Variants in CD274 observed in about 807,000 individuals in gnomAD.
CD274 encodes CD274 molecule.
In CD274, 8 loss-of-function variants were observed where a neutral mutation model predicts 30.1. The observed-to-expected ratio is 0.27, with a 90% CI of 0.16 to 0.48. The LOEUF (loss-of-function observed/expected upper bound fraction) is 0.48, where lower values mean the gene tolerates loss of function less well. Ranked by LOEUF, CD274 falls within the 20% of genes least tolerant of loss-of-function variation. The pLI is 0.99. For synonymous variants in CD274, 152 were observed against 124.6 expected (o/e 1.22, Z -1.46); for missense variants, 353 against 346.6 (o/e 1.02, Z -0.15).
chr9:5,462,069 A>G (rs1244798232), intron 3 of CD274, among the ~76,000 whole-genome samples: 2 of 152,220 alleles, frequency 1.3e-5, no homozygotes, highest in East Asian at 3.8e-4. Context: ...TAAGGAGTAT[A>G]CAGTAACTCT....
chr9:5,464,815 G>A (rs955916952), intron 4 of CD274, among the ~76,000 whole-genome samples: 4 of 152,272 alleles, frequency 2.6e-5, no homozygotes, highest in Non-Finnish European at 2.9e-5. Flanking sequence ...GGCCAGGAGC[G>A]GAGGCTCATG....
intron 1 of CD274, among the ~76,000 whole-genome samples, chr9:5,453,384 A>G (rs992594035): frequency 2.6e-5 from 4 of 152,252 alleles, no homozygotes; most frequent in Non-Finnish European, 5.9e-5. Flanking sequence ...AGTACCAATT[A>G]TCAACATGTG....
chr9:5,454,414 T>C (rs1432140071), intron 1 of CD274, among the ~76,000 whole-genome samples: 1 of 149,714 alleles, frequency 6.7e-6, no homozygotes, highest in African/African-American at 2.4e-5. Flanking sequence ...ACACACACAC[T>C]TTTTTTTTTC....
At chr9:5,456,555 G>A (rs550891863) in intron 2 of CD274, among the ~76,000 whole-genome samples, 21 of 152,156 alleles carry the variant, frequency 1.4e-4, no homozygotes, top group Non-Finnish European at 2.9e-4. Context: ...ATACTTTAAG[G>A]AAGAATTGTA....
intron 4 of CD274, 122 bp downstream of exon 4, chr9:5,463,243 G>T: frequency 1.3e-6 from 1 of 752,354 alleles, no homozygotes; most frequent in South Asian, 1.7e-5. Context: ...ATAACACTAT[G>T]TTTACAAAAT....
intron 3 of CD274, 24 bp downstream of exon 3, chr9:5,457,444 G>A (rs374302813): frequency 3.2e-6 from 5 of 1,562,146 alleles, no homozygotes; most frequent in South Asian, 2.2e-5. Flanking sequence ...TAGATGAGAG[G>A]CCTGATCTTT....
At position 5,469,559 on chromosome 9, in the gene CD274, A is replaced by G. The variant is rs1819553653; in HGVS notation, c.*1697A>G. On this transcript the variant is annotated 3_prime_UTR_variant, in exon 7 of 7. Coordinates refer to ENST00000381577, the MANE Select transcript of CD274 (RefSeq NM_014143.4). ...GTACTTTGCTATTTTTATTTATTTT[A>G]GTGTTTCTTATATAGCAGATGGAAT... 1 of 231,636 alleles carries G rather than the reference A, an allele frequency of 4.3e-6. No homozygotes were observed. The highest frequency in any genetic ancestry group is 8.5e-6 in the Non-Finnish European group (1 of 117,176). The allele number at this position is 231,636 out of a possible 1,614,324, so 14.3% of individuals were successfully genotyped here.
chr9:5,456,120 A>G lies in CD274; in HGVS notation c.7A>G (p.Ile3Val). ...ATTAGGGCATTCCAGAAAGATGAGG[A>G]TATTTGCTGTCTTTATATTCATGAC... is the stretch of plus-strand genomic sequence containing the variant. The part of the protein sequence containing the change: MR[I>V]FAVFIFMTYW... The change falls in exon 2 of 7, where the codon ATA becomes GTA. Residue 3 changes from isoleucine (I) to valine (V), a missense_variant. By Grantham distance (29) the Ile-to-Val change is conservative (BLOSUM62 3). Coordinates refer to ENST00000381577, the MANE Select transcript of CD274 (RefSeq NM_014143.4). 1.2e-6 allele frequency: 2 copies of G among 1,606,156 alleles called. No homozygotes were observed. Among genetic ancestry groups the G allele is most frequent in the Non-Finnish European group, 1.7e-6 (2 of 1,173,090 alleles).
intron 3 of CD274, among the ~76,000 whole-genome samples, chr9:5,459,270 G>A (rs1586764782): frequency 6.6e-6 from 1 of 152,252 alleles, no homozygotes; most frequent in Middle Eastern, 3.4e-3. Context: ...TACTTAATTG[G>A]CATTCTACTC....
chr9:5,465,517 C>T lies in CD274; in HGVS notation c.701C>T (p.Pro234Leu), dbSNP rs1819483303. The T allele has an allele frequency of 6.2e-7, 1 of 1,607,864 alleles. No individual in the cohort carries two copies. Among genetic ancestry groups the T allele is most frequent in the African/African-American group, 1.3e-5 (1 of 74,896 alleles). The change falls in exon 5 of 7, where the codon CCT becomes CTT. Residue 234 changes from proline to leucine, a missense_variant. Transcript: ENST00000381577. ...TTTTCAGAACTACCTCTGGCACATC[C>T]TCCAAATGAAAGGACTCACTTGGTA... ...LVIPELPLAH[P>L]PNERTHLVIL... is the part of the protein sequence containing the mutation.
Position 5,465,557 on chromosome 9 carries a change from CTTA to C in CD274, c.746_748del (p.Leu249del), listed in dbSNP as rs775247957. On this transcript the variant is annotated inframe_deletion, in exon 5 of 7. Transcript: ENST00000381577. Reference sequence around the variant, plus strand: ...CTCACTTGGTAATTCTGGGAGCCATCTTATTATGCCTTGGTGTAGCACTGACAT... The same window carrying C: ...CTCACTTGGTAATTCTGGGAGCCATCTTATGCCTTGGTGTAGCACTGACAT... The C allele has an allele frequency of 6.2e-7, 1 of 1,611,430 alleles. No individual in the cohort carries two copies. Among genetic ancestry groups the C allele is most frequent in the Non-Finnish European group, 8.5e-7 (1 of 1,177,646 alleles).
chr9:5,453,978 G>A (rs548696879), intron 1 of CD274, among the ~76,000 whole-genome samples: 1 of 152,142 alleles, frequency 6.6e-6, no homozygotes, highest in Non-Finnish European at 1.5e-5. Context: ...TGAAATAGTA[G>A]GGGATTTTCC....
chr9:5,460,088 T>C (rs1255425899), intron 3 of CD274, among the ~76,000 whole-genome samples: 2 of 152,150 alleles, frequency 1.3e-5, no homozygotes, highest in East Asian at 1.9e-4. Flanking sequence ...GGGCCTGATA[T>C]ACAGCAGAGT....
In CD274 at chr9:5,466,835, A is replaced by G. The variant is rs199577058; in HGVS notation, c.850+6A>G. On this transcript the variant is annotated splice_donor_region_variant and intron_variant, in intron 6 of 6. Coordinates refer to ENST00000381577, the MANE Select transcript of CD274 (RefSeq NM_014143.4). ...AAACTCAAAGAAGCAAAGTGGTAAG[A>G]ATATCAGAAGGAATTGGGAAGTAAA... 3.7e-6 allele frequency: 6 copies of G among 1,604,958 alleles called. No homozygotes were observed. The East Asian group carries it at 1.3e-4, about 36-fold the overall frequency.
In CD274 at chr9:5,469,115, T is replaced by A. The variant is rs113029061; in HGVS notation, c.*1253T>A. ...GACGGTTGGATATACTTAAACATCTTAATAATCAGAGTAATTTTCATTTAC... is the reference window on the plus strand; with the variant it reads ...GACGGTTGGATATACTTAAACATCTAAATAATCAGAGTAATTTTCATTTAC... On this transcript the variant is annotated 3_prime_UTR_variant, in exon 7 of 7. Transcript: ENST00000381577. The A allele has an allele frequency of 1.7e-3, 390 of 233,110 alleles. 2 individuals carry two copies. Among genetic ancestry groups the A allele is most frequent in the African/African-American group, 7.5e-3 (343 of 45,458 alleles). 14.4% of individuals were successfully genotyped at this position (233,110 alleles called of 1,614,324 possible). A position where few individuals can be genotyped will look rare whatever the true frequency, so the allele number is the denominator to read the frequency against.
rs2131230155 is a variant in CD274, at chr9:5,465,579, C to G, written c.763C>G (p.Leu255Val). 1.2e-6 allele frequency: 2 copies of G among 1,603,926 alleles called. No individual in the cohort carries two copies. The highest frequency in any genetic ancestry group is 8.5e-7 in the Non-Finnish European group (1 of 1,170,814). Residue 255 changes from leucine (L) to valine (V), a missense_variant, in exon 5 of 7, where the codon CTG becomes GTG. Leu to Val is a conservative substitution (Grantham distance 32). Coordinates refer to ENST00000381577, the MANE Select transcript of CD274 (RefSeq NM_014143.4). ...GAILLCLGVALTFIFRLRKGR... is the reference protein window; with the variant it reads ...GAILLCLGVAVTFIFRLRKGR... ...CATCTTATTATGCCTTGGTGTAGCACTGACATTCATCTTCCGTTTAAGAAA... is the reference window on the plus strand; with the variant it reads ...CATCTTATTATGCCTTGGTGTAGCAGTGACATTCATCTTCCGTTTAAGAAA...
At chr9:5,454,763 C>G (rs1314716170) in intron 1 of CD274, among the ~76,000 whole-genome samples, 1 of 152,076 alleles carries the variant, frequency 6.6e-6, no homozygotes, top group Non-Finnish European at 1.5e-5. Context: ...GAAAAAAATC[C>G]TCCCATTAGT....
intron 3 of CD274, among the ~76,000 whole-genome samples, chr9:5,460,770 G>A (rs1162451751): frequency 6.6e-6 from 1 of 152,112 alleles, no homozygotes; most frequent in Non-Finnish European, 1.5e-5. Context: ...TTAGTATAGT[G>A]TTCTGGGTCT....
At chr9:5,465,028 A>G (rs1379000086) in intron 4 of CD274, among the ~76,000 whole-genome samples, 4 of 150,796 alleles carry the variant, frequency 2.7e-5, no homozygotes, top group African/African-American at 9.7e-5. Context: ...CGGAAGTTGC[A>G]GTGAGCCCAG....
Sources: allele counts gnomAD v4.1 joint callset (sites outside exome capture counted in the v4.1 genomes callset), GRCh38; gene constraint gnomAD v4.1.1; transcripts MANE v1.5; gene names NCBI Gene and HGNC (gene_info 2026-07-23, HGNC 2026-07-21).